DTNBP1: variants seen among roughly 807,000 people sequenced by gnomAD.
DTNBP1 encodes the protein dystrobrevin binding protein 1, also known as dysbindin.
A neutral mutation model predicts 42.8 loss-of-function variants in DTNBP1; 35 were observed. The ratio of observed to expected loss-of-function variants is 0.82; its 90% CI spans 0.63 to 1.09. The LOEUF (loss-of-function observed/expected upper bound fraction) is 1.09, where lower values mean the gene tolerates loss of function less well. DTNBP1 is among the 50% of genes least tolerant of loss of function. The pLI is 0.00. For missense variants in DTNBP1, 457 were observed against 424.2 expected, an observed-to-expected ratio of 1.08 and a Z score of -0.68; for synonymous variants, 171 against 162.2, an observed-to-expected ratio of 1.05 and a Z score of -0.41.
chr6:15,523,787 C>T lies in DTNBP1; in HGVS notation c.812-568G>A, dbSNP rs568375643. On this transcript the variant is annotated intron_variant, in intron 9 of 9. Coordinates refer to ENST00000344537, the MANE Select transcript of DTNBP1 (RefSeq NM_032122.5). ...CCTTCTCAGGATGAGGGCAAATGCA[C>T]CCAAGCTCCTTCTCTTCCCCAGGAT... 3.8e-5 allele frequency: 49 copies of T among 1,287,234 alleles called. No homozygotes were observed. In the South Asian group the frequency reaches 4.9e-4, roughly 13 times the overall value. The allele number at this position is 1,287,234 out of a possible 1,614,324, so 79.7% of individuals were successfully genotyped here.
intron 7 of DTNBP1, among the ~76,000 whole-genome samples, chr6:15,538,144 G>A (rs763997805): frequency 2.0e-5 from 3 of 152,178 alleles, no homozygotes; most frequent in Non-Finnish European, 4.4e-5. Flanking sequence ...CCATGGCACA[G>A]CTGACTCCTT....
chr6:15,585,618 T>C, intron 7 of DTNBP1: 1 of 1,298,124 alleles, frequency 7.7e-7, no homozygotes, highest in Non-Finnish European at 1.0e-6. Flanking sequence ...TAATAATATA[T>C]CATCTGCATA....
chr6:15,571,826 G>A (rs1214030713), intron 7 of DTNBP1, among the ~76,000 whole-genome samples: 1 of 152,048 alleles, frequency 6.6e-6, no homozygotes, highest in Non-Finnish European at 1.5e-5. Flanking sequence ...AGGAATGAGG[G>A]AACAAATCTG....
At chr6:15,653,202 T>G (rs2619523) in intron 1 of DTNBP1, among the ~76,000 whole-genome samples, 150,839 of 152,308 alleles carry the variant, frequency 0.99, 74,695 homozygotes, top group Middle Eastern at 1. Context: ...AAGAGGATTT[T>G]GTATATCTCA....
At chr6:15,585,575 T>G (rs1776047042) in intron 7 of DTNBP1, 1 of 947,870 alleles carries the variant, frequency 1.1e-6, no homozygotes, top group African/African-American at 1.7e-5. Flanking sequence ...TACTTGTAGG[T>G]TCAAGTCAAG....
At chr6:15,617,960 C>T (rs1758809714) in intron 5 of DTNBP1, among the ~76,000 whole-genome samples, 1 of 151,952 alleles carries the variant, frequency 6.6e-6, no homozygotes, top group Non-Finnish European at 1.5e-5. Context: ...GAGAAAATAC[C>T]TACAAACTAC....
At chr6:15,619,254 T>C (rs564364367) in intron 5 of DTNBP1, among the ~76,000 whole-genome samples, 8 of 152,336 alleles carry the variant, frequency 5.3e-5, no homozygotes, top group African/African-American at 1.4e-4. Flanking sequence ...TTTGAGGAGA[T>C]GGATATGCTG....
intron 7 of DTNBP1, among the ~76,000 whole-genome samples, chr6:15,572,185 GA>G (rs902275539): frequency 2.1e-4 from 32 of 151,722 alleles, no homozygotes; most frequent in African/African-American, 7.5e-4. Context: ...ATACAAATGA[GA>G]AAAAAAACAT....
rs564608391 is a variant in DTNBP1, at chr6:15,577,178, C to G, written c.511+15881G>C. On this transcript the variant is annotated intron_variant, in intron 7 of 9. Coordinates refer to ENST00000344537, the MANE Select transcript of DTNBP1 (RefSeq NM_032122.5). ...AGGCCTGGTTGGGCCTATGGGCCTG[C>G]TGGAGGGAGCAAAATGGCTGAGAGC... is the stretch of plus-strand genomic sequence containing the variant. 2.0e-3 allele frequency among the ~76,000 whole-genome samples: 298 copies of G among 152,328 alleles called. 1 individual carries two copies. Among genetic ancestry groups the G allele is most frequent in the Non-Finnish European group, 2.6e-3 (180 of 68,024 alleles).
At chr6:15,527,603 G>A (rs900567814) in intron 8 of DTNBP1, among the ~76,000 whole-genome samples, 1 of 151,876 alleles carries the variant, frequency 6.6e-6, no homozygotes, top group Non-Finnish European at 1.5e-5. Context: ...TTCAACTTGG[G>A]TTAGAAAAAA....
At chr6:15,526,625 G>A (rs774821641) in intron 8 of DTNBP1, among the ~76,000 whole-genome samples, 10 of 152,212 alleles carry the variant, frequency 6.6e-5, no homozygotes, top group African/African-American at 9.6e-5. Context: ...ACAGCAGTTC[G>A]CTGGGCTGGA....
chr6:15,567,667 T>C (rs890615185), intron 7 of DTNBP1, among the ~76,000 whole-genome samples: 4 of 152,242 alleles, frequency 2.6e-5, no homozygotes, highest in Admixed American at 6.5e-5. Context: ...CATGTATTGA[T>C]TGATGCTTAT....
intron 7 of DTNBP1, among the ~76,000 whole-genome samples, chr6:15,553,845 A>T (rs1427409982): frequency 6.6e-6 from 1 of 152,028 alleles, no homozygotes; most frequent in African/African-American, 2.4e-5. Context: ...ATCTGAGAAA[A>T]CTGCAGAAAC....
At chr6:15,622,481 G>C (rs1197604088) in intron 5 of DTNBP1, among the ~76,000 whole-genome samples, 2 of 152,142 alleles carry the variant, frequency 1.3e-5, no homozygotes, top group Admixed American at 1.3e-4. Flanking sequence ...ATTTAAGTTA[G>C]CAGAAATTTA....
At chr6:15,561,488 T>C (rs1041959347) in intron 7 of DTNBP1, among the ~76,000 whole-genome samples, 1 of 152,196 alleles carries the variant, frequency 6.6e-6, no homozygotes, top group South Asian at 2.1e-4. Flanking sequence ...GCCCTCACCA[T>C]ATGGATGCTT....
At chr6:15,532,572 C>A (rs1581703938) in intron 8 of DTNBP1, among the ~76,000 whole-genome samples, 1 of 151,838 alleles carries the variant, frequency 6.6e-6, no homozygotes, top group Admixed American at 6.6e-5. Flanking sequence ...TCGACAGAGA[C>A]TAGAAAGAAC....
intron 6 of DTNBP1, among the ~76,000 whole-genome samples, chr6:15,607,091 A>G (rs983596889): frequency 8.0e-5 from 12 of 150,544 alleles, no homozygotes; most frequent in African/African-American, 2.7e-4. Flanking sequence ...GCTCACTGCA[A>G]CCTCCCGGTC....
At chr6:15,636,557 G>A (rs1760035059) in intron 4 of DTNBP1, among the ~76,000 whole-genome samples, 1 of 152,158 alleles carries the variant, frequency 6.6e-6, no homozygotes, top group Non-Finnish European at 1.5e-5. Context: ...CAAGAAACGA[G>A]GCTATGCCAA....
rs189231701 is a variant in DTNBP1 at position 15,571,398 on chromosome 6, C to T, written c.511+21661G>A. Among the ~76,000 whole-genome samples, 3 of 152,324 alleles carry T rather than the reference C, an allele frequency of 2.0e-5. No homozygotes were observed. In the East Asian group the frequency reaches 5.8e-4, roughly 29 times the overall value. Reference sequence around the variant, plus strand: ...CAAGTATATCACCTGTCACATTAAACCTCACATTAATCTCTTTAAAGATTG... The same window carrying T: ...CAAGTATATCACCTGTCACATTAAATCTCACATTAATCTCTTTAAAGATTG... On this transcript the variant is annotated intron_variant, in intron 7 of 9. Transcript: ENST00000344537.
Sources: allele counts gnomAD v4.1 joint callset (sites outside exome capture counted in the v4.1 genomes callset), GRCh38; gene constraint gnomAD v4.1.1; transcripts MANE v1.5; gene names NCBI Gene and HGNC (gene_info 2026-07-23, HGNC 2026-07-21).